The following FXYD6 variants were observed in gnomAD, a reference collection of about 807,000 sequenced individuals.
FXYD6 encodes FXYD domain-containing ion transport regulator 6.
Under a neutral mutation model 16.7 loss-of-function variants are expected in FXYD6, and 7 were observed. The observed-to-expected ratio is 0.42, with a 90% confidence interval of 0.24 to 0.79. The LOEUF (loss-of-function observed/expected upper bound fraction) is 0.79, where lower values mean the gene tolerates loss of function less well. Among genes scored for constraint, FXYD6 ranks in the 30% least tolerant of loss-of-function variants. The pLI is 0.28. For synonymous variants in FXYD6, 49 were observed against 43.0 expected (o/e 1.14, Z -0.54); for missense variants, 111 against 116.2 (o/e 0.95, Z 0.21).
chr11:117,867,929 G>A (rs1016866563), intron 1 of FXYD6, among the ~76,000 whole-genome samples: 1 of 152,154 alleles, frequency 6.6e-6, no homozygotes, highest in Non-Finnish European at 1.5e-5. Flanking sequence ...GTGTAGCCAA[G>A]GGCAGTGTAG....
intron 1 of FXYD6, among the ~76,000 whole-genome samples, chr11:117,869,910 C>G (rs2057098621): frequency 1.3e-5 from 2 of 152,254 alleles, no homozygotes; most frequent in East Asian, 3.9e-4. Flanking sequence ...ATGCGGGTCA[C>G]TGTCATTCCA....
chr11:117,846,681 T>C (rs2134148270), intron 1 of FXYD6, among the ~76,000 whole-genome samples: 1 of 152,346 alleles, frequency 6.6e-6, no homozygotes, highest in East Asian at 1.9e-4. Context: ...TGATTTCTAT[T>C]TGGTGTGCAT....
At chr11:117,855,843 T>A (rs1479579532) in intron 1 of FXYD6, among the ~76,000 whole-genome samples, 2 of 151,984 alleles carry the variant, frequency 1.3e-5, no homozygotes, top group Non-Finnish European at 2.9e-5. Flanking sequence ...ACTGCTGGAG[T>A]GGGGGACTCC....
rs1459115573 is a variant in FXYD6 at position 117,838,188 on chromosome 11, T to C, written c.*111A>G. On this transcript the variant is annotated 3_prime_UTR_variant, in exon 8 of 8. Transcript: ENST00000526014. ...GGACACACAAGTTCTTGGCTTCTCCTGGGGAAAGGGCTGTTGCTGAAGTGG... is the reference window on the plus strand; with the variant it reads ...GGACACACAAGTTCTTGGCTTCTCCCGGGGAAAGGGCTGTTGCTGAAGTGG... 2.8e-6 allele frequency: 2 copies of C among 702,180 alleles called. No individual in the cohort carries two copies. The highest frequency in any genetic ancestry group is 2.0e-5 in the Admixed American group (1 of 49,994). The allele number at this position is 702,180 out of a possible 1,614,324, so 43.5% of individuals were successfully genotyped here.
At position 117,870,775 on chromosome 11, in the gene FXYD6, T is replaced by A. The variant is rs1465452154; in HGVS notation, c.-6+5817A>T. On this transcript the variant is annotated intron_variant, in intron 1 of 7. Coordinates refer to ENST00000526014, the MANE Select transcript of FXYD6 (RefSeq NM_022003.4). The surrounding 1 kb of genome is among the most constrained non-coding windows in gnomAD (Gnocchi z 4.2). Reference sequence around the variant, plus strand: ...TTATCCCCTCCCTCCCCTCAATGCATCCTCATACCCACAGAGCCAAGGCCT... The same window carrying A: ...TTATCCCCTCCCTCCCCTCAATGCAACCTCATACCCACAGAGCCAAGGCCT... Among the ~76,000 whole-genome samples the A allele has an allele frequency of 6.6e-6, 1 of 152,044 alleles. No homozygotes were observed. The highest frequency in any genetic ancestry group is 2.4e-5 in the African/African-American group (1 of 41,388).
intron 1 of FXYD6, among the ~76,000 whole-genome samples, chr11:117,861,786 C>A (rs1472971831): frequency 6.6e-6 from 1 of 152,192 alleles, no homozygotes. Flanking sequence ...CCAGGGTCCT[C>A]GTGTGGTCAC....
Position 117,870,825 on chromosome 11 carries a change from C to T in FXYD6, c.-6+5767G>A, listed in dbSNP as rs755191745. On this transcript the variant is annotated intron_variant, in intron 1 of 7. Transcript: ENST00000526014. The surrounding 1 kb of genome is among the most constrained non-coding windows in gnomAD (Gnocchi z 4.2). ...TACACCCCTTCCCATGTAGGGCTGT[C>T]ACCAGTGTATGCCCCCATCACACCA... 1.3e-5 allele frequency among the ~76,000 whole-genome samples: 2 copies of T among 152,160 alleles called. No individual in the cohort carries two copies. Among genetic ancestry groups the T allele is most frequent in the Non-Finnish European group, 2.9e-5 (2 of 68,028 alleles).
chr11:117,875,019 C>A (rs1042971932), intron 1 of FXYD6, among the ~76,000 whole-genome samples: 4 of 152,162 alleles, frequency 2.6e-5, no homozygotes, highest in African/African-American at 9.7e-5. Context: ...CCCCTCCACA[C>A]CCCTAGGGAG....
At chr11:117,859,456 A>G (rs1376309021) in intron 1 of FXYD6, among the ~76,000 whole-genome samples, 1 of 152,244 alleles carries the variant, frequency 6.6e-6, no homozygotes, top group African/African-American at 2.4e-5. Context: ...TTCTGAGATG[A>G]AAACCCACAC....
At chr11:117,861,951 TGGGACA>T (rs944168515) in intron 1 of FXYD6, among the ~76,000 whole-genome samples, 1 of 152,196 alleles carries the variant, frequency 6.6e-6, no homozygotes, top group African/African-American at 2.4e-5. Flanking sequence ...CACATCTGGC[TGGGACA>T]GCTAAAGCAA....
chr11:117,862,511 C>A (rs768070008), intron 1 of FXYD6, among the ~76,000 whole-genome samples: 1 of 152,216 alleles, frequency 6.6e-6, no homozygotes, highest in Non-Finnish European at 1.5e-5. Flanking sequence ...AGGGCCGCTG[C>A]CCAGAAGACA....
chr11:117,846,860 A>G (rs188315827), intron 1 of FXYD6, among the ~76,000 whole-genome samples: 19 of 152,134 alleles, frequency 1.2e-4, no homozygotes, highest in Non-Finnish European at 2.4e-4. Flanking sequence ...GAATGTCTTC[A>G]TTATTCTTGG....
Position 117,872,628 on chromosome 11 carries a change from A to G in FXYD6, c.-6+3964T>C, listed in dbSNP as rs1234433355. 6.6e-6 allele frequency among the ~76,000 whole-genome samples: 1 copy of G among 152,152 alleles called. No individual in the cohort carries two copies. The highest frequency in any genetic ancestry group is 1.5e-5 in the Non-Finnish European group (1 of 68,020). ...TTCATCCTTGGCCCTCTCTGCCCACATCAGATATTCTGAGCTGGGGCAGCC... is the reference window on the plus strand; with the variant it reads ...TTCATCCTTGGCCCTCTCTGCCCACGTCAGATATTCTGAGCTGGGGCAGCC... On this transcript the variant is annotated intron_variant, in intron 1 of 7. Transcript: ENST00000526014. The surrounding 1 kb of genome is among the most constrained non-coding windows in gnomAD (Gnocchi z 4.9).
Position 117,847,538 on chromosome 11 carries a change from G to A in FXYD6, c.-5-4757C>T, listed in dbSNP as rs549574253. On this transcript the variant is annotated intron_variant, in intron 1 of 7. Coordinates refer to ENST00000526014, the MANE Select transcript of FXYD6 (RefSeq NM_022003.4). The stretch of plus-strand genomic sequence containing the variant: ...CTCCCCCCACCCCACAACAGGCCCC[G>A]GTGTGTGATGTTCCCCTTCCTGTGT... 9.2e-3 allele frequency among the ~76,000 whole-genome samples: 982 copies of A among 106,972 alleles called. 6 individuals are homozygous for A. The highest frequency in any genetic ancestry group is 0.03 in the African/African-American group (782 of 26,386). 70.2% of individuals were successfully genotyped at this position (106,972 alleles called of 152,430 possible). A position where few individuals can be genotyped will look rare whatever the true frequency, so the allele number is the denominator to read the frequency against.
intron 1 of FXYD6, among the ~76,000 whole-genome samples, chr11:117,846,831 T>A (rs1186147844): frequency 6.6e-6 from 1 of 152,206 alleles, no homozygotes; most frequent in Non-Finnish European, 1.5e-5. Context: ...TCCTCTTCCC[T>A]CTCCTCCTCT....
chr11:117,848,562 A>G (rs964540751), intron 1 of FXYD6, among the ~76,000 whole-genome samples: 3 of 151,932 alleles, frequency 2.0e-5, no homozygotes, highest in African/African-American at 2.4e-5. Flanking sequence ...ACAAGTGTCC[A>G]CTCTCCTGCT....
intron 1 of FXYD6, among the ~76,000 whole-genome samples, chr11:117,863,974 CCATGTTTGT>C (rs1231727974): frequency 6.6e-6 from 1 of 152,150 alleles, no homozygotes; most frequent in African/African-American, 2.4e-5. Flanking sequence ...AAAAAATAGT[CCATGTTTGT>C]AGATTGAAAG....
intron 1 of FXYD6, among the ~76,000 whole-genome samples, chr11:117,869,999 G>A (rs780602728): frequency 2.6e-4 from 40 of 152,218 alleles, no homozygotes; most frequent in Non-Finnish European, 3.4e-4. Context: ...CTGGGCCCCA[G>A]CCTGGTCCGT....
chr11:117,876,446 C>T (rs1040353323), intron 1 of FXYD6, 146 bp downstream of exon 1: 24 of 152,776 alleles, frequency 1.6e-4, no homozygotes, highest in African/African-American at 5.8e-4. Flanking sequence ...AGGCGGGGAC[C>T]GCGGCGCAGC....
Sources: allele counts gnomAD v4.1 joint callset (sites outside exome capture counted in the v4.1 genomes callset), GRCh38; gene constraint gnomAD v4.1.1; non-coding constraint Gnocchi (gnomAD v3.1); transcripts MANE v1.5; gene names NCBI Gene and HGNC (gene_info 2026-07-23, HGNC 2026-07-21).